FER1L6: variants seen among roughly 807,000 people sequenced by gnomAD.
FER1L6 encodes fer-1 like family member 6.
A neutral mutation model predicts 219.2 loss-of-function variants in FER1L6; 177 were observed. The ratio of observed to expected loss-of-function variants is 0.81; its 90% CI spans 0.71 to 0.91. The LOEUF (loss-of-function observed/expected upper bound fraction) is 0.91, where lower values mean the gene tolerates loss of function less well. FER1L6 is among the 40% of genes least tolerant of loss of function. The pLI is 0.00. For synonymous variants in FER1L6, 768 were observed against 824.3 expected, an observed-to-expected ratio of 0.93 and a Z score of 1.17; for missense variants, 2,153 against 2,259.9, an observed-to-expected ratio of 0.95 and a Z score of 0.96.
intron 22 of FER1L6, among the ~76,000 whole-genome samples, chr8:124,050,806 TTGCCCTCA>T (rs1819983750): frequency 6.6e-6 from 1 of 151,816 alleles, no homozygotes; most frequent in Admixed American, 6.6e-5. Context: ...CATGAGCGTT[TTGCCCTCA>T]TGACCTCATG....
intron 1 of FER1L6, among the ~76,000 whole-genome samples, chr8:123,891,595 C>G (rs1238010744): frequency 6.6e-6 from 1 of 152,066 alleles, no homozygotes; most frequent in Non-Finnish European, 1.5e-5. Flanking sequence ...CAGTAACTCC[C>G]AAACAGGAAA....
At chr8:123,916,163 CTT>C (rs1813184662) in intron 1 of FER1L6, among the ~76,000 whole-genome samples, 1 of 152,236 alleles carries the variant, frequency 6.6e-6, no homozygotes, top group Non-Finnish European at 1.5e-5. Context: ...AACTCTCCCT[CTT>C]TTGAATTCTC....
chr8:124,071,361 A>G, intron 30 of FER1L6, 145 bp from the exon 31 acceptor site: 1 of 972,940 alleles, frequency 1.0e-6, no homozygotes, highest in Admixed American at 2.3e-5. Flanking sequence ...TAAATTGCCC[A>G]AGGACACCCA....
chr8:123,874,825 A>G (rs947735405), intron 1 of FER1L6, among the ~76,000 whole-genome samples: 2 of 151,994 alleles, frequency 1.3e-5, no homozygotes, highest in Non-Finnish European at 2.9e-5. Flanking sequence ...GTGCCATAAT[A>G]TTTTCCACCT....
At chr8:124,061,637 C>A (rs1035779995) in intron 24 of FER1L6, among the ~76,000 whole-genome samples, 5 of 152,126 alleles carry the variant, frequency 3.3e-5, no homozygotes, top group African/African-American at 4.8e-5. Flanking sequence ...GTAATTTAAA[C>A]CTGCGACAAA....
At position 123,870,231 on chromosome 8, in the gene FER1L6, G is replaced by A. The variant is rs150089102; in HGVS notation, c.-8+18046G>A. On this transcript the variant is annotated intron_variant, in intron 1 of 40. Coordinates refer to ENST00000522917, the MANE Select transcript of FER1L6 (RefSeq NM_001039112.2). ...TGTAAGTGGTATAGCCACTTTGGAA[G>A]ACTATTTGACAATTTCTCACAAAGC... Among the ~76,000 whole-genome samples, 210 of 152,296 alleles carry A rather than the reference G, an allele frequency of 1.4e-3. 1 individual carries two copies. The highest frequency in any genetic ancestry group is 2.2e-3 in the Non-Finnish European group (151 of 68,036).
chr8:124,064,239 A>T (rs1820723097), intron 25 of FER1L6, 108 bp from the exon 26 acceptor site: 1 of 866,508 alleles, frequency 1.2e-6, no homozygotes, highest in African/African-American at 1.7e-5. Flanking sequence ...AAATATTAGC[A>T]ACCTGACGTA....
chr8:123,985,009 C>T (rs1482302423), intron 11 of FER1L6: 1 of 152,226 alleles, frequency 6.6e-6, no homozygotes, highest in Non-Finnish European at 1.5e-5. Context: ...CATCTGTTCC[C>T]TGAAGCATCA....
chr8:123,931,451 G>C (rs1308955818), intron 1 of FER1L6, among the ~76,000 whole-genome samples: 1 of 152,186 alleles, frequency 6.6e-6, no homozygotes, highest in East Asian at 1.9e-4. Flanking sequence ...GTACACATCT[G>C]TTGTGAGAAA....
chr8:124,082,409 T>G lies in FER1L6; in HGVS notation c.4342T>G (p.Phe1448Val). Residue 1448 changes from phenylalanine to valine, a missense_variant, in exon 33 of 41, where the codon TTC (phenylalanine) becomes GTC (valine). By Grantham distance (50) the Phe-to-Val change is conservative. Coordinates refer to ENST00000522917, the MANE Select transcript of FER1L6 (RefSeq NM_001039112.2). ...GETKIDLENR[F>V]YSKHRAICGL... ...GACCAAGATCGACCTGGAGAACCGCTTCTACAGCAAACACCGAGCCATCTG... is the reference window on the plus strand; with the variant it reads ...GACCAAGATCGACCTGGAGAACCGCGTCTACAGCAAACACCGAGCCATCTG... 1 of 1,614,100 alleles carries G rather than the reference T, an allele frequency of 6.2e-7. No homozygotes were observed. The highest frequency in any genetic ancestry group is 8.5e-7 in the Non-Finnish European group (1 of 1,179,972).
intron 1 of FER1L6, among the ~76,000 whole-genome samples, chr8:123,895,986 A>G (rs956691970): frequency 5.9e-5 from 9 of 152,188 alleles, no homozygotes; most frequent in African/African-American, 2.2e-4. Context: ...GGATGATACC[A>G]TGCATAGCCC....
chr8:124,013,353 A>C, intron 14 of FER1L6, 78 bp from the exon 15 acceptor site: 1 of 741,980 alleles, frequency 1.3e-6, no homozygotes, highest in Non-Finnish European at 2.1e-6. Context: ...TGTTATTTCT[A>C]GTACATTATA....
At chr8:123,920,017 T>C (rs1413841192) in intron 1 of FER1L6, among the ~76,000 whole-genome samples, 1 of 152,192 alleles carries the variant, frequency 6.6e-6, no homozygotes, top group Non-Finnish European at 1.5e-5. Context: ...ATCATACTTC[T>C]CTTACAAAAC....
At position 124,023,437 on chromosome 8, in the gene FER1L6, C is replaced by T; in HGVS notation, c.2134-7C>T. Reference sequence around the variant, plus strand: ...CTATTCAATCCCAACTCCCTCTATTCCCACAGCCCCAGCACACTATCCCTG... The same window carrying T: ...CTATTCAATCCCAACTCCCTCTATTTCCACAGCCCCAGCACACTATCCCTG... On this transcript the variant is annotated splice_polypyrimidine_tract_variant and splice_region_variant and intron_variant, in intron 17 of 40. Coordinates refer to ENST00000522917, the MANE Select transcript of FER1L6 (RefSeq NM_001039112.2). 1 of 1,612,512 alleles carries T rather than the reference C, an allele frequency of 6.2e-7. No individual in the cohort carries two copies. Among genetic ancestry groups the T allele is most frequent in the Non-Finnish European group, 8.5e-7 (1 of 1,178,880 alleles).
chr8:123,917,444 G>A (rs954064436), intron 1 of FER1L6, among the ~76,000 whole-genome samples: 4 of 152,294 alleles, frequency 2.6e-5, no homozygotes, highest in South Asian at 2.1e-4. Flanking sequence ...AGGACCTTCC[G>A]CACTTCAGGT....
chr8:124,115,742 T>C (rs115297631), intron 39 of FER1L6, among the ~76,000 whole-genome samples: 3,009 of 152,256 alleles, frequency 0.02, 87 homozygotes, highest in African/African-American at 0.069. Context: ...AGCAACCGTA[T>C]AGGGTACATG....
chr8:124,061,972 T>C lies in FER1L6; in HGVS notation c.3268T>C (p.Cys1090Arg), dbSNP rs878982962. The C allele has an allele frequency of 6.2e-7, 1 of 1,614,190 alleles. No individual in the cohort carries two copies. The highest frequency in any genetic ancestry group is 8.5e-7 in the Non-Finnish European group (1 of 1,180,010). Residue 1090 changes from cysteine (C) to arginine (R), a missense_variant, in exon 25 of 41, where the codon TGT becomes CGT. Cys to Arg is a radical substitution (Grantham distance 180, BLOSUM62 -3). Coordinates refer to ENST00000522917, the MANE Select transcript of FER1L6 (RefSeq NM_001039112.2). ...CATCAACTACTTGAAGCAGTTTTTG[T>C]GTAAACTCAGAGAGCCCCTTGCCCC... ...YTINYLKQFL[C>R]KLREPLAPIT...
chr8:124,094,487 T>C (rs1822189777), intron 34 of FER1L6, among the ~76,000 whole-genome samples: 1 of 152,124 alleles, frequency 6.6e-6, no homozygotes, highest in South Asian at 2.1e-4. Context: ...AGGAAATTTA[T>C]TTATTTATTT....
In FER1L6 at chr8:124,060,688, C is replaced by G; in HGVS notation, c.3126C>G (p.Ile1042Met). ...QSYKNNPNFS[I>M]QADAFEVELP... ...ACAAGAACAACCCGAACTTCAGCAT[C>G]CAGGCAGACGCTTTCGAAGTGGTGC... The change falls in exon 24 of 41, where the codon ATC becomes ATG. Residue 1042 changes from isoleucine (I) to methionine (M), a missense_variant. Transcript: ENST00000522917. 1 of 1,614,058 alleles carries G rather than the reference C, an allele frequency of 6.2e-7. No homozygotes were observed. Among genetic ancestry groups the G allele is most frequent in the Non-Finnish European group, 8.5e-7 (1 of 1,179,940 alleles).
Sources: gnomAD v4.1 joint callset for allele counts (sites outside exome capture counted in the v4.1 genomes callset) on GRCh38, gnomAD v4.1.1 for gene constraint, MANE v1.5 for transcripts, NCBI Gene and HGNC (gene_info 2026-07-23, HGNC 2026-07-21) for gene names.